The following PDE4D variants were observed in gnomAD, a reference collection of about 807,000 sequenced individuals.
The protein encoded by PDE4D is phosphodiesterase 4D.
A neutral mutation model predicts 87.4 loss-of-function variants in PDE4D; 24 were observed. That is an observed-to-expected ratio of 0.27 (90% confidence interval 0.20 to 0.39). The LOEUF (loss-of-function observed/expected upper bound fraction) is 0.39, where lower values mean the gene tolerates loss of function less well. Among genes scored for constraint, PDE4D ranks in the 10% least tolerant of loss-of-function variants. PDE4D has a pLI of 1.00. For synonymous variants in PDE4D, 384 were observed against 383.2 expected, an observed-to-expected ratio of 1.00 and a Z score of -0.02; for missense variants, 714 against 1,041.0, an observed-to-expected ratio of 0.69 and a Z score of 4.32.
chr5:60,485,149 AC>A (rs1270449278), intron 1 of PDE4D, among the ~76,000 whole-genome samples: 8 of 152,184 alleles, frequency 5.3e-5, no homozygotes, highest in Non-Finnish European at 1.0e-4. Flanking sequence ...AAAAGGAGGG[AC>A]TTAAAGAAAT....
intron 1 of PDE4D, among the ~76,000 whole-genome samples, chr5:59,674,936 TCA>T (rs1176527822): frequency 2.0e-5 from 3 of 152,218 alleles, no homozygotes; most frequent in Non-Finnish European, 4.4e-5. Context: ...ACTTCCTTAA[TCA>T]CATTCTTACT....
intron 1 of PDE4D, among the ~76,000 whole-genome samples, chr5:60,296,389 A>G (rs1394172054): frequency 6.6e-6 from 1 of 152,200 alleles, no homozygotes; most frequent in African/African-American, 2.4e-5. Context: ...CTGCACAATT[A>G]GAGAAAATGT....
intron 1 of PDE4D, among the ~76,000 whole-genome samples, chr5:60,357,746 T>C (rs1276702614): frequency 6.6e-6 from 1 of 152,220 alleles, no homozygotes; most frequent in Non-Finnish European, 1.5e-5. Flanking sequence ...CCATAGTGCA[T>C]ATAGAAATAT....
At chr5:60,084,578 C>T (rs1239057456) in intron 2 of PDE4D, among the ~76,000 whole-genome samples, 1 of 152,076 alleles carries the variant, frequency 6.6e-6, no homozygotes, top group Non-Finnish European at 1.5e-5. Context: ...ATTTGAAGTA[C>T]ATTTGGGAAA....
chr5:60,432,225 G>T (rs1231585521), intron 1 of PDE4D, among the ~76,000 whole-genome samples: 4 of 152,194 alleles, frequency 2.6e-5, no homozygotes, highest in African/African-American at 9.7e-5. Context: ...TTACGTTGTT[G>T]TTATGTCTTT....
At chr5:60,263,517 T>C (rs76184027) in intron 1 of PDE4D, among the ~76,000 whole-genome samples, 3,307 of 152,306 alleles carry the variant, frequency 0.022, 136 homozygotes, top group African/African-American at 0.075. Context: ...AAACTAGCTC[T>C]ACACAACAGT....
intron 1 of PDE4D, among the ~76,000 whole-genome samples, chr5:60,479,653 C>T (rs758602908): frequency 6.6e-6 from 1 of 152,166 alleles, no homozygotes; most frequent in African/African-American, 2.4e-5. Flanking sequence ...ACCATATGGT[C>T]TCTGCGGGAA....
intron 1 of PDE4D, among the ~76,000 whole-genome samples, chr5:59,391,220 C>T (rs1788168795): frequency 6.6e-6 from 1 of 152,088 alleles, no homozygotes; most frequent in Non-Finnish European, 1.5e-5. Flanking sequence ...AAGATGGCCT[C>T]TGCTGTCCAG....
intron 2 of PDE4D, among the ~76,000 whole-genome samples, chr5:60,079,476 CTAGGTTTTCTTCTACTGTTTT>C (rs1773697139): frequency 1.3e-5 from 2 of 152,218 alleles, no homozygotes; most frequent in Admixed American, 1.3e-4. Context: ...ATAGTATTGC[CTAGGTTTTCTTCTACTGTTTT>C]TATTGTTTTG....
At chr5:60,285,781 A>G (rs543412780) in intron 1 of PDE4D, among the ~76,000 whole-genome samples, 1 of 152,342 alleles carries the variant, frequency 6.6e-6, no homozygotes, top group African/African-American at 2.4e-5. Context: ...ATGGATTGCA[A>G]TAAAATGACC....
intron 2 of PDE4D, among the ~76,000 whole-genome samples, chr5:60,134,395 C>G (rs912999690): frequency 6.6e-6 from 1 of 152,066 alleles, no homozygotes; most frequent in Admixed American, 6.6e-5. Context: ...GTCCTAACTA[C>G]TAGGGAGGCT....
At chr5:58,984,107 C>T (rs1374397728) in intron 11 of PDE4D, among the ~76,000 whole-genome samples, 2 of 152,144 alleles carry the variant, frequency 1.3e-5, no homozygotes, top group East Asian at 3.8e-4. Context: ...GCATGCTACA[C>T]CATGTCTCTA....
chr5:60,228,286 T>A (rs1226700203), intron 1 of PDE4D, among the ~76,000 whole-genome samples: 1 of 152,228 alleles, frequency 6.6e-6, no homozygotes, highest in South Asian at 2.1e-4. Context: ...CCTCTGCAAA[T>A]CAAGGTCATG....
chr5:59,724,977 G>A (rs1399133126), intron 1 of PDE4D, among the ~76,000 whole-genome samples: 2 of 152,112 alleles, frequency 1.3e-5, no homozygotes, highest in Non-Finnish European at 2.9e-5. Context: ...GGCAAGTTAT[G>A]TAATATTTTT....
chr5:59,638,570 T>TAAG (rs963826214), intron 1 of PDE4D, among the ~76,000 whole-genome samples: 2 of 151,918 alleles, frequency 1.3e-5, no homozygotes, highest in African/African-American at 4.8e-5. Context: ...ATGAGAGAGA[T>TAAG]ACGGAGCTTA....
intron 1 of PDE4D, among the ~76,000 whole-genome samples, chr5:60,268,066 G>A (rs1750408152): frequency 6.6e-6 from 1 of 152,204 alleles, no homozygotes; most frequent in South Asian, 2.1e-4. Context: ...GGCTGTGCAG[G>A]CACCAGGTAG....
intron 1 of PDE4D, among the ~76,000 whole-genome samples, chr5:59,453,531 A>G (rs1447787170): frequency 1.3e-5 from 2 of 152,234 alleles, no homozygotes; most frequent in African/African-American, 2.4e-5. Flanking sequence ...ATGATAAGAA[A>G]TTGAAACAGC....
chr5:60,170,024 T>C (rs1446542761), intron 2 of PDE4D, among the ~76,000 whole-genome samples: 1 of 152,060 alleles, frequency 6.6e-6, no homozygotes, highest in Non-Finnish European at 1.5e-5. Flanking sequence ...CTTTCTTTTT[T>C]GATGCCATTT....
chr5:60,381,134 T>C (rs900470382), intron 1 of PDE4D, among the ~76,000 whole-genome samples: 4 of 152,186 alleles, frequency 2.6e-5, no homozygotes, highest in Admixed American at 6.5e-5. Flanking sequence ...TTTGATCAGA[T>C]AGTTTATGCT....
Sources: allele counts gnomAD v4.1 joint callset (sites outside exome capture counted in the v4.1 genomes callset), GRCh38; gene constraint gnomAD v4.1.1; transcripts MANE v1.5; gene names NCBI Gene and HGNC (gene_info 2026-07-23, HGNC 2026-07-21).